The following ITGB5 variants were observed in gnomAD, a reference collection of about 807,000 sequenced individuals.
The protein encoded by ITGB5 is integrin subunit beta 5.
In ITGB5, 38 loss-of-function variants were observed where a neutral mutation model predicts 84.8. That is an observed-to-expected ratio of 0.45 (90% CI 0.35 to 0.59). The LOEUF (loss-of-function observed/expected upper bound fraction) is 0.59. Among genes scored for constraint, ITGB5 ranks in the 20% least tolerant of loss-of-function variants. The pLI is 0.01. For missense variants in ITGB5, 905 were observed against 1,034.5 expected (o/e 0.87, Z 1.72); for synonymous variants, 393 against 414.4 (o/e 0.95, Z 0.63).
At chr3:124,809,939 A>G (rs940748517) in intron 8 of ITGB5, among the ~76,000 whole-genome samples, 2 of 152,228 alleles carry the variant, frequency 1.3e-5, no homozygotes, top group African/African-American at 4.8e-5. Context: ...TCCTATAGAA[A>G]GCCATTAGGC....
intron 5 of ITGB5, among the ~76,000 whole-genome samples, chr3:124,838,942 T>C (rs146775113): frequency 2.3e-3 from 355 of 152,324 alleles, no homozygotes; most frequent in African/African-American, 7.9e-3. Context: ...TGTTGCGTAG[T>C]CTTTCATCCA....
intron 5 of ITGB5, among the ~76,000 whole-genome samples, chr3:124,835,791 C>T (rs1475843942): frequency 1.3e-5 from 2 of 152,258 alleles, no homozygotes; most frequent in South Asian, 4.1e-4. Flanking sequence ...CAAAAGAAAG[C>T]GAGTCAATTC....
intron 1 of ITGB5, among the ~76,000 whole-genome samples, chr3:124,884,783 A>C (rs1410489152): frequency 6.6e-6 from 1 of 152,166 alleles, no homozygotes; most frequent in Non-Finnish European, 1.5e-5. Context: ...TCTCTTCCTT[A>C]AGCTGAGTCG....
chr3:124,849,393 T>A (rs1477275585), intron 3 of ITGB5, among the ~76,000 whole-genome samples: 1 of 152,200 alleles, frequency 6.6e-6, no homozygotes, highest in African/African-American at 2.4e-5. Flanking sequence ...AAGATCGTTG[T>A]TTAAAATACC....
Position 124,766,663 on chromosome 3 carries a change from T to C in ITGB5, c.2018-318A>G, listed in dbSNP as rs150608683. Among the ~76,000 whole-genome samples, 1,021 of 152,140 alleles carry C rather than the reference T, an allele frequency of 6.7e-3. 8 individuals carry two copies. The highest frequency in any genetic ancestry group is 0.023 in the African/African-American group (937 of 41,518). On this transcript the variant is annotated intron_variant, in intron 12 of 14. Transcript: ENST00000296181. ...TTCGGGGTGGGGACGGGTGAAGGGATTGGCCACGGAAATTAAAGGGATAAA... is the reference window on the plus strand; with the variant it reads ...TTCGGGGTGGGGACGGGTGAAGGGACTGGCCACGGAAATTAAAGGGATAAA...
chr3:124,871,098 C>T (rs1934022584), intron 2 of ITGB5, among the ~76,000 whole-genome samples: 1 of 152,052 alleles, frequency 6.6e-6, no homozygotes, highest in Non-Finnish European at 1.5e-5. Context: ...GTCATGTTGC[C>T]CAGACCGGTC....
At chr3:124,797,597 G>A (rs1224898196) in intron 9 of ITGB5, among the ~76,000 whole-genome samples, 2 of 152,230 alleles carry the variant, frequency 1.3e-5, no homozygotes, top group Admixed American at 1.3e-4. Flanking sequence ...GGCTCAAGGT[G>A]GGCCTGGATG....
At chr3:124,803,930 A>G (rs747956167) in intron 9 of ITGB5, among the ~76,000 whole-genome samples, 4 of 152,202 alleles carry the variant, frequency 2.6e-5, no homozygotes, top group Non-Finnish European at 5.9e-5. Context: ...AGTCTTCCCC[A>G]TCTGTCAGCA....
Position 124,774,604 on chromosome 3 carries a change from C to T in ITGB5, c.1694-692G>A, listed in dbSNP as rs140403641. 7.9e-4 allele frequency among the ~76,000 whole-genome samples: 120 copies of T among 152,304 alleles called. 1 individual carries two copies. Among genetic ancestry groups the T allele is most frequent in the Non-Finnish European group, 8.5e-4 (58 of 68,022 alleles). On this transcript the variant is annotated intron_variant, in intron 10 of 14. Coordinates refer to ENST00000296181, the MANE Select transcript of ITGB5 (RefSeq NM_002213.5). ...TTAGCCCAGTGAAAATGATTTCAGG[C>T]TTCTGACCTCCAGAGCTGTAAGAAA...
intron 5 of ITGB5, among the ~76,000 whole-genome samples, chr3:124,832,570 AG>A (rs2064875294): frequency 6.6e-6 from 1 of 152,198 alleles, no homozygotes; most frequent in South Asian, 2.1e-4. Flanking sequence ...CCCTTGAGAG[AG>A]AAGAATACTC....
At chr3:124,785,190 G>C in intron 10 of ITGB5, among the ~76,000 whole-genome samples, 1 of 152,208 alleles carries the variant, frequency 6.6e-6, no homozygotes, top group Non-Finnish European at 1.5e-5. Context: ...TCCCACAAGG[G>C]CAGGGTGAGT....
At chr3:124,775,480 G>A (rs902845352) in intron 10 of ITGB5, among the ~76,000 whole-genome samples, 1 of 152,128 alleles carries the variant, frequency 6.6e-6, no homozygotes, top group African/African-American at 2.4e-5. Flanking sequence ...CGTCTTCCAA[G>A]GGGACCAAGG....
intron 9 of ITGB5, among the ~76,000 whole-genome samples, chr3:124,802,881 G>A (rs1198704891): frequency 6.6e-6 from 1 of 152,110 alleles, no homozygotes; most frequent in African/African-American, 2.4e-5. Context: ...GTGGAGTCAG[G>A]GGCCATGTGA....
intron 2 of ITGB5, among the ~76,000 whole-genome samples, chr3:124,865,755 T>C (rs770594976): frequency 1.1e-4 from 17 of 152,294 alleles, no homozygotes; most frequent in South Asian, 4.1e-4. Flanking sequence ...CCCAAAGTGC[T>C]GGGATTATAG....
At chr3:124,805,632 G>A (rs930718198) in intron 9 of ITGB5, among the ~76,000 whole-genome samples, 2 of 152,012 alleles carry the variant, frequency 1.3e-5, no homozygotes, top group Admixed American at 1.3e-4. Context: ...TTTATTTTCT[G>A]TAGAGATGGG....
intron 5 of ITGB5, among the ~76,000 whole-genome samples, chr3:124,837,047 G>C (rs2064944707): frequency 6.6e-6 from 1 of 152,146 alleles, no homozygotes; most frequent in Non-Finnish European, 1.5e-5. Context: ...ACGAAAAAAA[G>C]CAGCACATAG....
chr3:124,814,816 T>C (rs2064561711), intron 8 of ITGB5, among the ~76,000 whole-genome samples: 1 of 152,186 alleles, frequency 6.6e-6, no homozygotes, highest in Admixed American at 6.5e-5. Context: ...TTTCACAACA[T>C]GTTTACTTAC....
chr3:124,822,793 C>T (rs1417103551), intron 5 of ITGB5, among the ~76,000 whole-genome samples: 1 of 152,186 alleles, frequency 6.6e-6, no homozygotes, highest in African/African-American at 2.4e-5. Flanking sequence ...AAAGCTAGTT[C>T]CAGACCTCAA....
Position 124,848,492 on chromosome 3 carries a change from A to T in ITGB5, c.428T>A (p.Leu143Gln). 1 of 1,614,154 alleles carries T rather than the reference A, an allele frequency of 6.2e-7. No individual in the cohort carries two copies. Among genetic ancestry groups the T allele is most frequent in the East Asian group, 2.2e-5 (1 of 44,880 alleles). ...CTTCATGGACAGGGAGAGGTCCATC[A>T]GGTAGTACAGGTCCACAGGATAGTC... is the stretch of plus-strand genomic sequence containing the variant. ...VEDYPVDLYY[L>Q]MDLSLSMKDD... Residue 143 changes from leucine (L) to glutamine (Q), a missense_variant, in exon 4 of 15, where the codon CTG becomes CAG. Physicochemically the swap from Leu to Gln is moderately radical, Grantham distance 113. Around this residue, in one of 3 missense-constraint regions of ITGB5, gnomAD observed 656 missense variants for 734.7 expected, o/e 0.89. Coordinates refer to ENST00000296181, the MANE Select transcript of ITGB5 (RefSeq NM_002213.5).
Sources: allele counts gnomAD v4.1 joint callset (sites outside exome capture counted in the v4.1 genomes callset), GRCh38; gene constraint gnomAD v4.1.1; regional missense constraint gnomAD v4.1.1; transcripts MANE v1.5; gene names NCBI Gene and HGNC (gene_info 2026-07-23, HGNC 2026-07-21).